The following AKAP19 variants were observed in gnomAD, a reference collection of about 807,000 sequenced individuals.
AKAP19 encodes small A-kinase anchoring protein.
chr2:190,045,372 C>A, the AKAP19 span, among the ~76,000 whole-genome samples: 4 of 152,122 alleles, frequency 2.6e-5, no homozygotes, highest in East Asian at 5.8e-4. Flanking sequence ...CCTCTGGAAG[C>A]ACCGTCCCAG....
the AKAP19 span, among the ~76,000 whole-genome samples, chr2:190,166,723 AT>A: frequency 2.6e-5 from 4 of 152,274 alleles, no homozygotes; most frequent in Middle Eastern, 3.4e-3. Flanking sequence ...TTCATAAAAA[AT>A]ATCTTAGAAA....
At chr2:190,185,899 C>A in the AKAP19 span, among the ~76,000 whole-genome samples, 2 of 152,136 alleles carry the variant, frequency 1.3e-5, no homozygotes, top group Non-Finnish European at 2.9e-5. Flanking sequence ...GGAAATAACA[C>A]AGAACATGTT....
the AKAP19 span, chr2:190,057,392 G>C: frequency 6.2e-7 from 1 of 1,613,418 alleles, no homozygotes; most frequent in Non-Finnish European, 8.5e-7. Flanking sequence ...GAACCTCTGG[G>C]GTTTGCTTGG....
At chr2:190,157,367 T>TAC in the AKAP19 span, among the ~76,000 whole-genome samples, 504 of 150,316 alleles carry the variant, frequency 3.4e-3, 2 homozygotes, top group African/African-American at 0.012. Flanking sequence ...TAAACTTGTA[T>TAC]ACACACACAC....
the AKAP19 span, chr2:189,923,278 T>C: frequency 3.3e-6 from 5 of 1,512,972 alleles, no homozygotes; most frequent in South Asian, 1.2e-5. Flanking sequence ...CAGAATCGAA[T>C]CTCTTCTCCC....
chr2:190,015,669 T>G, the AKAP19 span, among the ~76,000 whole-genome samples: 3 of 152,220 alleles, frequency 2.0e-5, no homozygotes. Flanking sequence ...TTCTACTGCA[T>G]GGTCAGGCTG....
At chr2:189,982,868 C>A in the AKAP19 span, among the ~76,000 whole-genome samples, 3 of 152,036 alleles carry the variant, frequency 2.0e-5, no homozygotes, top group Admixed American at 6.6e-5. Flanking sequence ...TATGAGCCAA[C>A]GTACTGTTGC....
At chr2:189,988,945 T>A in the AKAP19 span, among the ~76,000 whole-genome samples, 1 of 152,230 alleles carries the variant, frequency 6.6e-6, no homozygotes, top group Non-Finnish European at 1.5e-5. Flanking sequence ...AAGGCAGCAG[T>A]CTAGTTTTGA....
At chr2:190,063,901 CA>C in the AKAP19 span, among the ~76,000 whole-genome samples, 64 of 152,184 alleles carry the variant, frequency 4.2e-4, no homozygotes, top group Non-Finnish European at 7.6e-4. Flanking sequence ...AAGAGCTAAG[CA>C]AACATAGCCA....
chr2:190,051,341 A>G, the AKAP19 span, among the ~76,000 whole-genome samples: 1 of 152,158 alleles, frequency 6.6e-6, no homozygotes, highest in Non-Finnish European at 1.5e-5. Context: ...CAGGTAATGT[A>G]CTAGGTAAGG....
At chr2:190,174,179 T>TC in the AKAP19 span, among the ~76,000 whole-genome samples, 6 of 152,096 alleles carry the variant, frequency 3.9e-5, no homozygotes, top group East Asian at 1.2e-3. Context: ...AAGACCCCCT[T>TC]CCCCCACCGT....
the AKAP19 span, among the ~76,000 whole-genome samples, chr2:190,080,221 C>T: frequency 3.7e-4 from 57 of 152,268 alleles, no homozygotes; most frequent in African/African-American, 1.3e-3. Context: ...TGACAGTTAG[C>T]AAAATCGCAA....
At chr2:190,067,610 C>T in the AKAP19 span, among the ~76,000 whole-genome samples, 1 of 152,202 alleles carries the variant, frequency 6.6e-6, no homozygotes, top group African/African-American at 2.4e-5. Context: ...TTTGTCAGTT[C>T]TAGGGTATAG....
chr2:190,188,035 G>T, the AKAP19 span, among the ~76,000 whole-genome samples: 1 of 152,184 alleles, frequency 6.6e-6, no homozygotes, highest in Non-Finnish European at 1.5e-5. Flanking sequence ...CCTCATGTAT[G>T]ACTGTCATGT....
chr2:190,061,510 C>G, the AKAP19 span, among the ~76,000 whole-genome samples: 10,385 of 151,840 alleles, frequency 0.068, 858 homozygotes, highest in African/African-American at 0.2. Context: ...ACTGGGTACT[C>G]TCAATAATAG....
chr2:189,889,357 C>T, the AKAP19 span, among the ~76,000 whole-genome samples: 785 of 152,160 alleles, frequency 5.2e-3, 15 homozygotes, highest in East Asian at 0.039. Flanking sequence ...TGAGGATTTT[C>T]GCATTGATGT....
the AKAP19 span, chr2:190,079,431 G>A: frequency 6.6e-6 from 1 of 152,236 alleles, no homozygotes; most frequent in African/African-American, 2.4e-5. Flanking sequence ...CAATGAATTT[G>A]TCACTGTCTC....
chr2:190,000,632 A>G, the AKAP19 span, among the ~76,000 whole-genome samples: 1 of 152,176 alleles, frequency 6.6e-6, no homozygotes, highest in Admixed American at 6.5e-5. Context: ...TCATTAATGA[A>G]GGTTAGTTCT....
chr2:189,982,832 T>C, the AKAP19 span, among the ~76,000 whole-genome samples: 1 of 152,198 alleles, frequency 6.6e-6, no homozygotes, highest in African/African-American at 2.4e-5. Context: ...TCTCAGATGC[T>C]GCTTGTTGTA....
Sources: allele counts gnomAD v4.1 joint callset (sites outside exome capture counted in the v4.1 genomes callset), GRCh38; gene constraint gnomAD v4.1.1; transcripts MANE v1.5; gene names NCBI Gene and HGNC (gene_info 2026-07-23, HGNC 2026-07-21).